The following ALPK2 variants were observed in gnomAD, a reference collection of about 807,000 sequenced individuals.
ALPK2 encodes alpha kinase 2, also known as alpha-protein kinase 2.
ALPK2 carries 127 observed loss-of-function variants against 163.1 expected under a neutral mutation model. The observed-to-expected ratio is 0.78, with a 90% CI of 0.67 to 0.90. The LOEUF (loss-of-function observed/expected upper bound fraction) is 0.90. Among genes scored for constraint, ALPK2 ranks in the 40% least tolerant of loss-of-function variants. The probability of loss-of-function intolerance (pLI) is 0.00; values close to 1 mark genes in which losing one functional copy is unlikely to be tolerated. For missense variants in ALPK2, 2,360 were observed against 2,589.6 expected, an observed-to-expected ratio of 0.91 and a Z score of 1.92; for synonymous variants, 953 against 959.1, an observed-to-expected ratio of 0.99 and a Z score of 0.12.
intron 4 of ALPK2, among the ~76,000 whole-genome samples, chr18:58,557,706 A>G (rs2051801787): frequency 7.2e-6 from 1 of 138,454 alleles, no homozygotes; most frequent in African/African-American, 3.0e-5. Context: ...ATATATTTAT[A>G]TTTTGTCATT....
At position 58,573,324 on chromosome 18, in the gene ALPK2, A is replaced by ATATGTG. The variant is rs1362893317; in HGVS notation, c.1962+5489_1962+5490insCACATA. On this transcript the variant is annotated intron_variant, in intron 4 of 12. Transcript: ENST00000361673. Reference sequence around the variant, plus strand: ...TGTGTGTATATATATGTGTGTATATATGTATATATGTGTATATATATGTAT... The same window carrying ATATGTG: ...TGTGTGTATATATATGTGTGTATATATATGTGTGTATATATGTGTATATATATGTAT... Among the ~76,000 whole-genome samples, 8 of 146,018 alleles carry ATATGTG rather than the reference A, an allele frequency of 5.5e-5. No homozygotes were observed. The East Asian group carries it at 9.7e-4, about 18-fold the overall frequency.
intron 12 of ALPK2, among the ~76,000 whole-genome samples, chr18:58,486,497 C>T (rs2051339743): frequency 6.6e-6 from 1 of 152,144 alleles, no homozygotes; most frequent in Non-Finnish European, 1.5e-5. Context: ...AACGCCTGTC[C>T]AGGGGAGGCT....
At chr18:58,560,704 A>C (rs186974605) in intron 4 of ALPK2, among the ~76,000 whole-genome samples, 115 of 152,290 alleles carry the variant, frequency 7.6e-4, no homozygotes, top group African/African-American at 2.6e-3. Context: ...CTTTGGAGGG[A>C]ATTATTCTGC....
intron 11 of ALPK2, among the ~76,000 whole-genome samples, chr18:58,501,874 T>C (rs2051432907): frequency 6.6e-6 from 1 of 152,206 alleles, no homozygotes; most frequent in Non-Finnish European, 1.5e-5. Context: ...TTGATTATAT[T>C]CTGCCAATGT....
intron 3 of ALPK2, among the ~76,000 whole-genome samples, chr18:58,593,563 CAAAAAAA>C (rs34460316): frequency 2.4e-4 from 12 of 50,650 alleles, no homozygotes; most frequent in Admixed American, 8.1e-4. Context: ...GACTCTGTCT[CAAAAAAA>C]AAAAAAAAAA....
Position 58,535,585 on chromosome 18 carries a change from C to G in ALPK2, c.4602G>C (p.Leu1534Phe). ...AEQSKKDKAE[L>F]ISPTSPLSSC... ...TAGAAAGAGGTGAAGTGGGGGAAAT[C>G]AATTCTGCTTTGTCCTTTTTGCTTT... The change falls in exon 5 of 13, where the codon TTG becomes TTC. Residue 1534 changes from leucine to phenylalanine, a missense_variant. Coordinates refer to ENST00000361673, the MANE Select transcript of ALPK2 (RefSeq NM_052947.4). 6.2e-7 allele frequency: 1 copy of G among 1,614,190 alleles called. No individual in the cohort carries two copies. The highest frequency in any genetic ancestry group is 8.5e-7 in the Non-Finnish European group (1 of 1,180,034).
chr18:58,521,623 C>CTTTTTTTTTTTTTTT (rs1568073274), intron 8 of ALPK2, among the ~76,000 whole-genome samples: 4 of 54,416 alleles, frequency 7.4e-5, no homozygotes, highest in Non-Finnish European at 7.8e-5. Context: ...TTCTTTCTCT[C>CTTTTTTTTTTTTTTT]TCTCTTTTTT....
chr18:58,548,093 AG>A (rs1382195301), intron 4 of ALPK2, among the ~76,000 whole-genome samples: 1 of 152,350 alleles, frequency 6.6e-6, no homozygotes, highest in African/African-American at 2.4e-5. Flanking sequence ...TTACTACACT[AG>A]TACTTTGCCT....
At chr18:58,550,116 A>G (rs1271575954) in intron 4 of ALPK2, among the ~76,000 whole-genome samples, 2 of 152,048 alleles carry the variant, frequency 1.3e-5, no homozygotes, top group African/African-American at 4.8e-5. Context: ...GAACATAGAA[A>G]ACTCTCTCAA....
At chr18:58,596,854 T>A (rs983195529) in intron 3 of ALPK2, among the ~76,000 whole-genome samples, 1 of 152,160 alleles carries the variant, frequency 6.6e-6, no homozygotes, top group Non-Finnish European at 1.5e-5. Flanking sequence ...AGGGTCTCAT[T>A]TTGTTACCCA....
At chr18:58,564,120 G>GGTCT (rs2051838400) in intron 4 of ALPK2, among the ~76,000 whole-genome samples, 1 of 42,858 alleles carries the variant, frequency 2.3e-5, no homozygotes. Flanking sequence ...TGATGTCTTT[G>GGTCT]TTCTTTTTTT....
chr18:58,513,913 G>T (rs2051507825), intron 10 of ALPK2, among the ~76,000 whole-genome samples: 1 of 152,198 alleles, frequency 6.6e-6, no homozygotes, highest in South Asian at 2.1e-4. Flanking sequence ...AGCCCAAATT[G>T]CATAAGAGTC....
intron 10 of ALPK2, among the ~76,000 whole-genome samples, chr18:58,512,677 ATG>A (rs2051496427): frequency 7.9e-6 from 1 of 126,444 alleles, no homozygotes; most frequent in African/African-American, 3.0e-5. Context: ...TGTGTGTGGT[ATG>A]TGTGTGGTAT....
chr18:58,579,957 G>A lies in ALPK2; in HGVS notation c.819C>T (p.Ser273=), dbSNP rs754322438. The A allele has an allele frequency of 1.1e-5, 18 of 1,614,100 alleles. No individual in the cohort carries two copies. Among genetic ancestry groups the A allele is most frequent in the Non-Finnish European group, 8.5e-7 (1 of 1,180,048 alleles). The change falls in exon 4 of 13, where the codon AGC becomes AGT. Residue 273 remains serine (S), a synonymous_variant. Coordinates refer to ENST00000361673, the MANE Select transcript of ALPK2 (RefSeq NM_052947.4). The stretch of plus-strand genomic sequence containing the variant: ...GTGCAGTTGCCTCAGATAGCGGGAG[G>A]CTGAAGCTAATGTATTTCTGTACTT... ...NPKVQKYISF[S]LPLSEATAHI...
At chr18:58,578,733 G>GACACACACGCGCGCGCGCAC in intron 4 of ALPK2, 81 bp downstream of exon 4, 1 of 530,150 alleles carries the variant, frequency 1.9e-6, no homozygotes, top group Non-Finnish European at 3.1e-6. Flanking sequence ...TAAAGGAAGA[G>GACACACACGCGCGCGCGCAC]ACACACACAC....
chr18:58,623,341 A>G (rs1025132584), intron 1 of ALPK2, among the ~76,000 whole-genome samples: 1 of 151,394 alleles, frequency 6.6e-6, no homozygotes, highest in African/African-American at 2.4e-5. Flanking sequence ...CTCCCAATAC[A>G]GAAGATTTTT....
In ALPK2 at chr18:58,578,900, C is replaced by T. The variant is rs2051938227; in HGVS notation, c.1876G>A (p.Gly626Ser). The part of the protein sequence containing the change: ...QTSTDSVSKE[G>S]NTNCKGEGMQ... Reference sequence around the variant, plus strand: ...CCTTCTCCCTTGCAATTTGTGTTGCCTTCTTTGGAGACTGAGTCTGTTGAA... The same window carrying T: ...CCTTCTCCCTTGCAATTTGTGTTGCTTTCTTTGGAGACTGAGTCTGTTGAA... Residue 626 changes from glycine (G) to serine (S), a missense_variant, in exon 4 of 13, where the codon GGC (glycine) becomes AGC (serine). Physicochemically the swap from Gly to Ser is moderately conservative, Grantham distance 56. Transcript: ENST00000361673. 1.2e-6 allele frequency: 2 copies of T among 1,614,090 alleles called. No individual in the cohort carries two copies. Among genetic ancestry groups the T allele is most frequent in the South Asian group, 2.2e-5 (2 of 91,076 alleles).
At chr18:58,492,705 T>C (rs1836799500) in intron 12 of ALPK2, among the ~76,000 whole-genome samples, 1 of 152,110 alleles carries the variant, frequency 6.6e-6, no homozygotes, top group South Asian at 2.1e-4. Context: ...AGTCCTCAGG[T>C]CCTGGGGAAT....
intron 5 of ALPK2, among the ~76,000 whole-genome samples, chr18:58,530,497 C>T (rs1000845699): frequency 5.9e-5 from 9 of 152,218 alleles, no homozygotes; most frequent in African/African-American, 1.9e-4. Context: ...CGACCAAGCC[C>T]ACCTCCTCAT....
Sources: allele counts gnomAD v4.1 joint callset (sites outside exome capture counted in the v4.1 genomes callset), GRCh38; gene constraint gnomAD v4.1.1; transcripts MANE v1.5; gene names NCBI Gene and HGNC (gene_info 2026-07-23, HGNC 2026-07-21).